The following PKD1 variants were observed in gnomAD, a reference collection of about 807,000 sequenced individuals.
PKD1 encodes the protein polycystin-1.
A neutral mutation model predicts 361.7 loss-of-function variants in PKD1; 81 were observed. That is an observed-to-expected ratio of 0.22 (90% CI 0.19 to 0.27). The LOEUF is 0.27. Ranked by LOEUF, PKD1 falls within the 10% of genes least tolerant of loss-of-function variation. The pLI is 1.00. For missense variants in PKD1, 6,399 were observed against 6,118.3 expected, an observed-to-expected ratio of 1.05 and a Z score of -1.53; for synonymous variants, 3,615 against 2,818.3, an observed-to-expected ratio of 1.28 and a Z score of -8.95.
At chr16:2,116,449 G>A (rs890001029) in intron 8 of PKD1, 80 bp downstream of exon 8, 10 of 780,488 alleles carry the variant, frequency 1.3e-5, no homozygotes, top group African/African-American at 8.7e-5. Context: ...GTTTTTTGGC[G>A]AGACCCACAG....
rs2092444911 is a variant in PKD1, at chr16:2,109,419, A to T, written c.5748T>A (p.Ala1916=). 1 of 1,602,750 alleles carries T rather than the reference A, an allele frequency of 6.2e-7. No homozygotes were observed. The highest frequency in any genetic ancestry group is 1.3e-5 in the African/African-American group (1 of 74,984). Residue 1916 remains alanine, a synonymous_variant, in exon 15 of 46, where the codon GCT becomes GCA. Transcript: ENST00000262304. ...CGCCGACCTGCAGGCGGAAGGTGAC[A>T]GCTGAGCCGGCAGCCAGCAGGATCT... ...HFQILLAAGS[A]VTFRLQVGGA... is the part of the protein sequence containing the mutation.
rs778931785 is a variant in PKD1 at position 2,099,689 on chromosome 16, G to A, written c.10005C>T (p.Pro3335=). The part of the protein sequence containing the change: ...VGLVSSVVVY[P]VYLAILFLFR... ...AGAGAAAAAGGATGGCCAGGTAGAC[G>A]GGATAGACAACCACGCTGGACACCA... The change falls in exon 30 of 46, where the codon CCC becomes CCT. Residue 3335 remains proline (P), a synonymous_variant. Coordinates refer to ENST00000262304, the MANE Select transcript of PKD1 (RefSeq NM_001009944.3). The A allele has an allele frequency of 4.1e-5, 66 of 1,594,384 alleles. No individual in the cohort carries two copies. Among genetic ancestry groups the A allele is most frequent in the East Asian group, 3.8e-4 (17 of 44,548 alleles).
Position 2,090,518 on chromosome 16 carries a change from G to A in PKD1, c.12211C>T (p.Leu4071Phe), listed in dbSNP as rs759776128. The A allele has an allele frequency of 1.8e-5, 29 of 1,610,842 alleles. No homozygotes were observed. Among genetic ancestry groups the A allele is most frequent in the African/African-American group, 4.0e-5 (3 of 74,900 alleles). ...GACTCGGCAGGACACAGGGTAGAGAGCCCAGTCCCAGGGCACAGCACCAAC... is the reference window on the plus strand; with the variant it reads ...GACTCGGCAGGACACAGGGTAGAGAACCCAGTCCCAGGGCACAGCACCAAC... ...ALLVLCPGTG[L>F]STLCPAESWH... The change falls in exon 45 of 46, where the codon CTC becomes TTC. Residue 4071 changes from leucine to phenylalanine, a missense_variant. Leu to Phe is a conservative substitution (Grantham distance 22). Coordinates refer to ENST00000262304, the MANE Select transcript of PKD1 (RefSeq NM_001009944.3).
chr16:2,107,753 A>C (rs1218576948), intron 16 of PKD1, 130 bp downstream of exon 16: 3 of 858,316 alleles, frequency 3.5e-6, no homozygotes, highest in Admixed American at 4.0e-5. Context: ...GTCGTGTTAC[A>C]TAGAATTTGC....
Position 2,120,092 on chromosome 16 carries a change from C to A in PKD1, c.216-714G>T. ...AGGCATGGCGGCATGCGCCTGGGGT[C>A]CCAAGTACTCGGGAGGTAGAGGAGA... is the stretch of plus-strand genomic sequence containing the variant. On this transcript the variant is annotated intron_variant, in intron 1 of 45. Coordinates refer to ENST00000262304, the MANE Select transcript of PKD1 (RefSeq NM_001009944.3). 4 of 572,828 alleles carry A rather than the reference C, an allele frequency of 7.0e-6. No individual in the cohort carries two copies. The South Asian group carries it at 8.6e-5, about 12-fold the overall frequency. 35.5% of individuals were successfully genotyped at this position (572,828 alleles called of 1,614,324 possible). A position where few individuals can be genotyped will look rare whatever the true frequency, so the allele number is the denominator to read the frequency against.
At chr16:2,103,073 G>C in intron 23 of PKD1, 103 bp from the exon 24 acceptor site, 3 of 1,371,854 alleles carry the variant, frequency 2.2e-6, no homozygotes, top group East Asian at 2.4e-5. Context: ...GGGCCTGAAA[G>C]GCCATAGGAG....
intron 1 of PKD1, among the ~76,000 whole-genome samples, chr16:2,132,567 T>A (rs1329629591): frequency 3.0e-5 from 3 of 99,862 alleles, no homozygotes; most frequent in African/African-American, 1.3e-4. Context: ...AGAGCAAGAC[T>A]CCGTCTCAAA....
intron 1 of PKD1, among the ~76,000 whole-genome samples, chr16:2,122,270 G>A (rs1292934151): frequency 1.3e-5 from 2 of 152,260 alleles, no homozygotes; most frequent in Admixed American, 6.5e-5. Flanking sequence ...ATCTGCGGAT[G>A]GAGGGCACGG....
rs750076336 is a variant in PKD1, at chr16:2,110,035, G to C, written c.5132C>G (p.Thr1711Ser). The part of the protein sequence containing the change: ...NMLGSAWADC[T>S]MDFVEPVGWL... ...CCCCACAGGCTCCACGAAGTCCATGGTGCAGTCGGCCCAGGCGCTGCCCAG... is the reference window on the plus strand; with the variant it reads ...CCCCACAGGCTCCACGAAGTCCATGCTGCAGTCGGCCCAGGCGCTGCCCAG... The change falls in exon 15 of 46, where the codon ACC becomes AGC. Residue 1711 changes from threonine to serine, a missense_variant. By Grantham distance (58) the Thr-to-Ser change is moderately conservative. Transcript: ENST00000262304. 2.5e-6 allele frequency: 4 copies of C among 1,610,566 alleles called. No homozygotes were observed. Among genetic ancestry groups the C allele is most frequent in the Non-Finnish European group, 3.4e-6 (4 of 1,179,712 alleles).
rs755704890 is a variant in PKD1 at position 2,113,312 on chromosome 16, A to G, written c.2854-20T>C. The G allele has an allele frequency of 3.1e-6, 5 of 1,595,336 alleles. No homozygotes were observed. Among genetic ancestry groups the G allele is most frequent in the African/African-American group, 2.7e-5 (2 of 74,654 alleles). ...GTACCTCTGCGGGGGGAATGGTGTC[A>G]GCCTGGGCTCTGTGGAGGACTCTGC... On this transcript the variant is annotated intron_variant, in intron 11 of 45. Transcript: ENST00000262304.
chr16:2,104,446 A>AGGAAAG (rs1224993641), intron 22 of PKD1, 52 bp downstream of exon 22: 6 of 1,367,762 alleles, frequency 4.4e-6, no homozygotes, highest in Non-Finnish European at 5.9e-6. Flanking sequence ...AGGGAGGCAG[A>AGGAAAG]GGAAAGGGCC....
At position 2,091,250 on chromosome 16, in the gene PKD1, G is replaced by A. The variant is rs1316724439; in HGVS notation, c.11713-76C>T. On this transcript the variant is annotated intron_variant, in intron 42 of 45. Transcript: ENST00000262304. Reference sequence around the variant, plus strand: ...CCTGCGAGGGGGCGGGACGCTGCCGGGGCGGGGCCCTACGAGGGGGCGGGA... The same window carrying A: ...CCTGCGAGGGGGCGGGACGCTGCCGAGGCGGGGCCCTACGAGGGGGCGGGA... The A allele has an allele frequency of 8.4e-6, 5 of 591,778 alleles. No individual in the cohort carries two copies. The African/African-American group carries it at 1.2e-4, about 14-fold the overall frequency. 36.7% of individuals were successfully genotyped at this position (591,778 alleles called of 1,614,324 possible).
At chr16:2,123,273 G>T (rs1175602421) in intron 1 of PKD1, among the ~76,000 whole-genome samples, 1 of 152,166 alleles carries the variant, frequency 6.6e-6, no homozygotes, top group African/African-American at 2.4e-5. Context: ...AGCTCCCAGG[G>T]CCCAGGGCAG....
chr16:2,119,680 C>A (rs1452406272), intron 1 of PKD1: 1 of 608,846 alleles, frequency 1.6e-6, no homozygotes. Context: ...ACCCATCCCA[C>A]GCAGGGCCAA....
chr16:2,122,534 C>T (rs1186013753), intron 1 of PKD1, among the ~76,000 whole-genome samples: 1 of 152,228 alleles, frequency 6.6e-6, no homozygotes, highest in African/African-American at 2.4e-5. Flanking sequence ...CGCTGCTAGG[C>T]ATCCACACCA....
In PKD1 at chr16:2,107,913, G is replaced by C. The variant is rs1044682533; in HGVS notation, c.7035C>G (p.Ala2345=). 3.2e-5 allele frequency: 49 copies of C among 1,545,332 alleles called. No homozygotes were observed. The highest frequency in any genetic ancestry group is 4.2e-5 in the Non-Finnish European group (48 of 1,146,652). ...GGTTGGTGGCCTCCTCCTTGCGGCCGGCCTTCCACACGGTCAGGCTGAAGG... is the reference window on the plus strand; with the variant it reads ...GGTTGGTGGCCTCCTCCTTGCGGCCCGCCTTCCACACGGTCAGGCTGAAGG... The part of the protein sequence containing the change: ...EYTFSLTVWK[A]GRKEEATNQT... The change falls in exon 16 of 46, where the codon GCC becomes GCG. Residue 2345 remains alanine, a synonymous_variant. Transcript: ENST00000262304.
At chr16:2,120,974 G>T (rs151234870) in intron 1 of PKD1, among the ~76,000 whole-genome samples, 1 of 146,794 alleles carries the variant, frequency 6.8e-6, no homozygotes, top group Admixed American at 6.8e-5. Flanking sequence ...CCAAGATCAC[G>T]CCACTGCAAT....
At chr16:2,128,465 A>G (rs1171949632) in intron 1 of PKD1, among the ~76,000 whole-genome samples, 1 of 151,870 alleles carries the variant, frequency 6.6e-6, no homozygotes, top group Non-Finnish European at 1.5e-5. Flanking sequence ...CTGTCTGTCT[A>G]TAAACCAGGG....
In PKD1 at chr16:2,089,569, A is replaced by G; in HGVS notation, c.*158T>C. 1.1e-6 allele frequency: 1 copy of G among 919,086 alleles called. No individual in the cohort carries two copies. Among genetic ancestry groups the G allele is most frequent in the South Asian group, 1.6e-5 (1 of 61,670 alleles). 56.9% of individuals were successfully genotyped at this position (919,086 alleles called of 1,614,324 possible). A position where few individuals can be genotyped will look rare whatever the true frequency, so the allele number is the denominator to read the frequency against. Reference sequence around the variant, plus strand: ...TCCTGGTTGGCCACACAGCCTCTTTAAAGTGCTGAAGCCCACAGACAGACA... The same window carrying G: ...TCCTGGTTGGCCACACAGCCTCTTTGAAGTGCTGAAGCCCACAGACAGACA... On this transcript the variant is annotated 3_prime_UTR_variant, in exon 46 of 46. Transcript: ENST00000262304.
Sources: allele counts gnomAD v4.1 joint callset (sites outside exome capture counted in the v4.1 genomes callset), GRCh38; gene constraint gnomAD v4.1.1; transcripts MANE v1.5; gene names NCBI Gene and HGNC (gene_info 2026-07-23, HGNC 2026-07-21).